GALNT13: variants seen among roughly 807,000 people sequenced by gnomAD.
GALNT13 encodes the protein UDP-GalNAc:polypeptide N-acetylgalactosaminyltransferase 13.
In GALNT13, 28 loss-of-function variants were observed where a neutral mutation model predicts 64.2. The ratio of observed to expected loss-of-function variants is 0.44; its 90% CI spans 0.32 to 0.60. The LOEUF (loss-of-function observed/expected upper bound fraction) is 0.60. Ranked by LOEUF, GALNT13 falls within the 20% of genes least tolerant of loss-of-function variation. The pLI is 0.05. For synonymous variants in GALNT13, 214 were observed against 224.6 expected (o/e 0.95, Z 0.42); for missense variants, 577 against 669.8 (o/e 0.86, Z 1.53).
At chr2:154,266,276 C>A (rs949820640) in intron 8 of GALNT13, among the ~76,000 whole-genome samples, 15 of 152,064 alleles carry the variant, frequency 9.9e-5, no homozygotes, top group African/African-American at 3.6e-4. Flanking sequence ...TTAGGCACAG[C>A]AACAAGGTCG....
At chr2:153,922,439 A>T (rs939824262) in intron 2 of GALNT13, among the ~76,000 whole-genome samples, 9 of 152,328 alleles carry the variant, frequency 5.9e-5, no homozygotes, top group Admixed American at 5.9e-4. Flanking sequence ...TTGAAGCTTT[A>T]TACCTTTCCC....
the GALNT13 span, among the ~76,000 whole-genome samples, chr2:153,802,228 A>G: frequency 6.6e-6 from 1 of 152,330 alleles, no homozygotes; most frequent in South Asian, 2.1e-4. Context: ...GCACCTATAA[A>G]TGGAATAATT....
chr2:153,330,560 C>G, the GALNT13 span, among the ~76,000 whole-genome samples: 28 of 151,156 alleles, frequency 1.9e-4, no homozygotes, highest in African/African-American at 6.8e-4. Flanking sequence ...TATTTTGACT[C>G]TAAGCTTGAA....
chr2:154,227,599 C>A (rs964387176), intron 4 of GALNT13, among the ~76,000 whole-genome samples: 13 of 150,378 alleles, frequency 8.6e-5, no homozygotes, highest in African/African-American at 2.9e-4. Context: ...TTTGTCCTTG[C>A]GATAGTTTGC....
chr2:154,002,995 T>G (rs1696014660), intron 3 of GALNT13, among the ~76,000 whole-genome samples: 1 of 152,136 alleles, frequency 6.6e-6, no homozygotes, highest in African/African-American at 2.4e-5. Context: ...CTTTTAGGTT[T>G]TGCAAGTTAG....
chr2:153,956,983 A>G (rs1279123203), intron 3 of GALNT13, among the ~76,000 whole-genome samples: 2 of 152,216 alleles, frequency 1.3e-5, no homozygotes, highest in South Asian at 4.1e-4. Flanking sequence ...TTTAAAGCCT[A>G]TATCAGTGAT....
the GALNT13 span, among the ~76,000 whole-genome samples, chr2:153,238,717 C>A: frequency 6.6e-6 from 1 of 152,008 alleles, no homozygotes; most frequent in Non-Finnish European, 1.5e-5. Context: ...CAGTATCATG[C>A]TGTTTTGGTT....
chr2:154,384,748 C>T (rs909911949), intron 9 of GALNT13, among the ~76,000 whole-genome samples: 2 of 151,876 alleles, frequency 1.3e-5, no homozygotes, highest in East Asian at 3.9e-4. Flanking sequence ...ATTCTCAGTG[C>T]CATTAAGAAG....
At chr2:153,794,057 T>G in the GALNT13 span, among the ~76,000 whole-genome samples, 1 of 152,208 alleles carries the variant, frequency 6.6e-6, no homozygotes, top group Non-Finnish European at 1.5e-5. Flanking sequence ...GTATCTGTTT[T>G]AACTTTAAAT....
At chr2:153,542,270 A>G in the GALNT13 span, among the ~76,000 whole-genome samples, 1 of 151,912 alleles carries the variant, frequency 6.6e-6, no homozygotes. Flanking sequence ...CAGTGAGCTG[A>G]GATCATGCCA....
chr2:153,420,940 G>C, the GALNT13 span: 1 of 185,590 alleles, frequency 5.4e-6, no homozygotes, highest in East Asian at 1.7e-4. Flanking sequence ...ACAGTGGGAA[G>C]CTGGCAATTA....
At chr2:153,668,454 T>C in the GALNT13 span, among the ~76,000 whole-genome samples, 2 of 151,902 alleles carry the variant, frequency 1.3e-5, no homozygotes, top group Non-Finnish European at 2.9e-5. Flanking sequence ...AGAAAAGATA[T>C]CTCAACATGA....
At chr2:153,478,463 C>A in the GALNT13 span, 1 of 1,613,552 alleles carries the variant, frequency 6.2e-7, no homozygotes, top group Non-Finnish European at 8.5e-7. Flanking sequence ...TCGGTCACCA[C>A]GGACGCCTGG....
chr2:154,264,518 T>C (rs1236998691), intron 8 of GALNT13, among the ~76,000 whole-genome samples: 1 of 148,448 alleles, frequency 6.7e-6, no homozygotes, highest in Non-Finnish European at 1.5e-5. Context: ...ACTCCTGTAA[T>C]CCCAGCAACT....
the GALNT13 span, among the ~76,000 whole-genome samples, chr2:153,538,326 CTTT>C: frequency 0.13 from 13,181 of 100,852 alleles, 1,236 homozygotes; most frequent in East Asian, 0.39. Context: ...TTTTTTAATT[CTTT>C]TTTTTTTTTT....
At chr2:154,049,341 G>C (rs1345647265) in intron 3 of GALNT13, among the ~76,000 whole-genome samples, 1 of 148,252 alleles carries the variant, frequency 6.7e-6, no homozygotes, top group Non-Finnish European at 1.5e-5. Flanking sequence ...TTATATGTGT[G>C]TGTATGTATA....
intron 4 of GALNT13, among the ~76,000 whole-genome samples, chr2:154,199,591 T>C (rs16836191): frequency 0.032 from 4,801 of 152,162 alleles, 119 homozygotes; most frequent in East Asian, 0.12. Flanking sequence ...GTTTTGTAGT[T>C]GTTTGACAGT....
intron 9 of GALNT13, among the ~76,000 whole-genome samples, chr2:154,310,016 T>G (rs1693946538): frequency 6.6e-6 from 1 of 152,200 alleles, no homozygotes; most frequent in East Asian, 1.9e-4. Context: ...TCATTGGGTC[T>G]CCAAGCTTAA....
intron 9 of GALNT13, among the ~76,000 whole-genome samples, chr2:154,326,964 G>A (rs1420957920): frequency 6.6e-6 from 1 of 151,984 alleles, no homozygotes; most frequent in Non-Finnish European, 1.5e-5. Context: ...ACTTTCTGCT[G>A]GATTATTTCT....
Sources: allele counts gnomAD v4.1 joint callset (sites outside exome capture counted in the v4.1 genomes callset), GRCh38; gene constraint gnomAD v4.1.1; transcripts MANE v1.5; gene names NCBI Gene and HGNC (gene_info 2026-07-23, HGNC 2026-07-21).